The following GPC6 variants were observed in gnomAD, a reference collection of about 807,000 sequenced individuals.
The protein encoded by GPC6 is glypican-6.
Under a neutral mutation model 55.2 loss-of-function variants are expected in GPC6, and 14 were observed. That is an observed-to-expected ratio of 0.25 (90% CI 0.17 to 0.40). The LOEUF is 0.40. GPC6 is among the 10% of genes least tolerant of loss of function. GPC6 has a pLI of 1.00. For missense variants in GPC6, 641 were observed against 708.5 expected (o/e 0.90, Z 1.08); for synonymous variants, 278 against 259.6 (o/e 1.07, Z -0.68).
chr13:94,076,977 T>G (rs1456109080), intron 4 of GPC6, among the ~76,000 whole-genome samples: 45 of 126,268 alleles, frequency 3.6e-4, no homozygotes, highest in South Asian at 1.8e-3. Flanking sequence ...TTTTTTTTTT[T>G]TGTGGCTTTA....
chr13:93,237,343 A>T (rs1041777700), intron 1 of GPC6, among the ~76,000 whole-genome samples: 4 of 145,228 alleles, frequency 2.8e-5, no homozygotes, highest in Middle Eastern at 3.4e-3. Context: ...CATTTTTTTC[A>T]CATTTTTGCC....
At chr13:94,352,915 C>G (rs1387370508) in intron 6 of GPC6, among the ~76,000 whole-genome samples, 1 of 152,172 alleles carries the variant, frequency 6.6e-6, no homozygotes, top group East Asian at 1.9e-4. Flanking sequence ...AGAGAAGTGG[C>G]TACTGGTGGA....
At chr13:93,446,408 G>A (rs1878002083) in intron 1 of GPC6, among the ~76,000 whole-genome samples, 1 of 105,390 alleles carries the variant, frequency 9.5e-6, no homozygotes, top group Non-Finnish European at 2.5e-5. Context: ...CAGAAATACT[G>A]CAATCACAAA....
chr13:93,904,501 T>C (rs1247631662), intron 3 of GPC6, among the ~76,000 whole-genome samples: 1 of 152,162 alleles, frequency 6.6e-6, no homozygotes, highest in Non-Finnish European at 1.5e-5. Flanking sequence ...CTTTTATTTT[T>C]AGAGCAGTCC....
intron 2 of GPC6, among the ~76,000 whole-genome samples, chr13:93,828,881 A>C (rs1887379215): frequency 6.6e-6 from 1 of 152,218 alleles, no homozygotes; most frequent in African/African-American, 2.4e-5. Flanking sequence ...AAGTGGCTAA[A>C]CCAAGCACTT....
chr13:93,798,902 G>C (rs370317929), intron 2 of GPC6, among the ~76,000 whole-genome samples: 1 of 118,612 alleles, frequency 8.4e-6, no homozygotes, highest in East Asian at 2.3e-4. Flanking sequence ...CTGGGTGACA[G>C]AGCAAGACTC....
intron 1 of GPC6, among the ~76,000 whole-genome samples, chr13:93,311,836 A>T (rs1336700775): frequency 6.6e-6 from 1 of 152,170 alleles, no homozygotes; most frequent in Non-Finnish European, 1.5e-5. Context: ...TCATTAAAGT[A>T]CGTGTTCTTC....
intron 2 of GPC6, among the ~76,000 whole-genome samples, chr13:93,620,635 G>A (rs1391549889): frequency 6.6e-6 from 1 of 152,138 alleles, no homozygotes; most frequent in Admixed American, 6.6e-5. Flanking sequence ...AATATTTGAA[G>A]CCGCTCTCTG....
intron 1 of GPC6, among the ~76,000 whole-genome samples, chr13:93,470,077 A>C (rs1403959851): frequency 6.6e-6 from 1 of 152,008 alleles, no homozygotes; most frequent in Non-Finnish European, 1.5e-5. Context: ...TTCCTTTGCC[A>C]TTTTTTTGGT....
At chr13:93,990,940 GGAAGGAAGGAAGGAAGGAAA>G (rs1378768277) in intron 3 of GPC6, among the ~76,000 whole-genome samples, 1 of 145,604 alleles carries the variant, frequency 6.9e-6, no homozygotes, top group Admixed American at 6.8e-5. Context: ...GGAGGGAGGA[GGAAGGAAGGAAGGAAGGAAA>G]GAAGGAAGGA....
chr13:94,088,613 A>C, intron 4 of GPC6, among the ~76,000 whole-genome samples: 1 of 151,086 alleles, frequency 6.6e-6, no homozygotes, highest in East Asian at 2.0e-4. Context: ...AGGGGAGGGA[A>C]GGGAATTTAA....
intron 2 of GPC6, among the ~76,000 whole-genome samples, chr13:93,775,493 C>T (rs1374924370): frequency 6.6e-6 from 1 of 152,184 alleles, no homozygotes; most frequent in Non-Finnish European, 1.5e-5. Context: ...AGAAAATTGT[C>T]ATTGCCACCT....
chr13:93,833,389 G>A (rs1440560709), intron 3 of GPC6, among the ~76,000 whole-genome samples: 5 of 152,118 alleles, frequency 3.3e-5, no homozygotes, highest in African/African-American at 9.7e-5. Context: ...AATACATTAA[G>A]AAGAGAAGCA....
intron 1 of GPC6, among the ~76,000 whole-genome samples, chr13:93,507,669 G>A (rs1880787971): frequency 6.6e-6 from 1 of 152,098 alleles, no homozygotes; most frequent in Non-Finnish European, 1.5e-5. Flanking sequence ...ATATCGACAT[G>A]AGTGACATGA....
At chr13:93,219,833 C>T in the GPC6 span, among the ~76,000 whole-genome samples, 9 of 150,926 alleles carry the variant, frequency 6.0e-5, no homozygotes, top group Non-Finnish European at 1.0e-4. Context: ...ACAAGTCAAA[C>T]AATTTTGTAA....
chr13:93,708,422 T>C (rs1285077850), intron 2 of GPC6, among the ~76,000 whole-genome samples: 1 of 151,782 alleles, frequency 6.6e-6, no homozygotes, highest in Non-Finnish European at 1.5e-5. Flanking sequence ...ATACTACAAA[T>C]GTCTTAAATG....
intron 2 of GPC6, among the ~76,000 whole-genome samples, chr13:93,748,964 A>G (rs1289019646): frequency 2.0e-5 from 3 of 151,994 alleles, no homozygotes; most frequent in African/African-American, 7.2e-5. Context: ...ACTGTTCGTC[A>G]TTTGTATATT....
intron 1 of GPC6, among the ~76,000 whole-genome samples, chr13:93,281,606 G>T (rs1877952257): frequency 1.3e-5 from 2 of 152,156 alleles, no homozygotes; most frequent in Admixed American, 6.5e-5. Flanking sequence ...CTGAGGTCAG[G>T]AGTTCAAAAC....
intron 3 of GPC6, among the ~76,000 whole-genome samples, chr13:93,841,410 A>C (rs1471729066): frequency 1.3e-5 from 2 of 152,160 alleles, no homozygotes; most frequent in Admixed American, 1.3e-4. Flanking sequence ...CATTGCAAGC[A>C]AGGGTTATTC....
Sources: allele counts gnomAD v4.1 joint callset (sites outside exome capture counted in the v4.1 genomes callset), GRCh38; gene constraint gnomAD v4.1.1; transcripts MANE v1.5; gene names NCBI Gene and HGNC (gene_info 2026-07-23, HGNC 2026-07-21).